Variants in MYCBP2 observed in about 807,000 individuals in gnomAD.
MYCBP2 encodes MYC binding protein 2, also known as E3 ubiquitin-protein ligase MYCBP2.
A neutral mutation model predicts 525.3 loss-of-function variants in MYCBP2; 120 were observed. That is an observed-to-expected ratio of 0.23 (90% CI 0.20 to 0.27). MYCBP2 has a LOEUF of 0.27. MYCBP2 is among the 10% of genes least tolerant of loss of function. The pLI is 1.00. For synonymous variants in MYCBP2, 1,894 were observed against 1,955.8 expected (o/e 0.97, Z 0.83); for missense variants, 4,149 against 5,657.1 (o/e 0.73, Z 8.55).
chr13:77,081,674 C>T lies in MYCBP2; in HGVS notation c.11194-23G>A, dbSNP rs750030432. 3.2e-6 allele frequency: 5 copies of T among 1,565,826 alleles called. No individual in the cohort carries two copies. Among genetic ancestry groups the T allele is most frequent in the Non-Finnish European group, 4.3e-6 (5 of 1,153,858 alleles). ...TTCCTATCAGAAACAAATATAAGTACTTATGATACTTAAAAGCAAATCTTT... is the reference window on the plus strand; with the variant it reads ...TTCCTATCAGAAACAAATATAAGTATTTATGATACTTAAAAGCAAATCTTT... On this transcript the variant is annotated intron_variant, in intron 64 of 82. Coordinates refer to ENST00000544440, the MANE Select transcript of MYCBP2 (RefSeq NM_015057.5). This position sits in a 1 kb window ranked among gnomAD's most constrained non-coding sequence, Gnocchi z 4.6.
chr13:77,224,324 A>G, intron 20 of MYCBP2, 127 bp downstream of exon 20: 1 of 653,784 alleles, frequency 1.5e-6, no homozygotes. Flanking sequence ...CACTTTGCAA[A>G]GCAGTGGTAT....
At chr13:77,287,172 C>T (rs962094960) in intron 3 of MYCBP2, among the ~76,000 whole-genome samples, 3 of 138,966 alleles carry the variant, frequency 2.2e-5, no homozygotes, top group Non-Finnish European at 4.6e-5. Flanking sequence ...CAGGCGTGAG[C>T]CATTACGCCC....
At chr13:77,298,375 T>C (rs867464533) in intron 1 of MYCBP2, among the ~76,000 whole-genome samples, 5 of 152,354 alleles carry the variant, frequency 3.3e-5, no homozygotes, top group African/African-American at 9.6e-5. Context: ...TGTTTCATTG[T>C]ACAGCCAATA....
intron 2 of MYCBP2, among the ~76,000 whole-genome samples, chr13:77,291,654 C>T (rs1169765352): frequency 1.3e-5 from 2 of 152,082 alleles, no homozygotes; most frequent in Admixed American, 6.5e-5. Context: ...GTAATCCCAG[C>T]TCCTCGGGAG....
At chr13:77,135,848 T>C (rs1281436502) in intron 52 of MYCBP2, among the ~76,000 whole-genome samples, 1 of 151,912 alleles carries the variant, frequency 6.6e-6, no homozygotes, top group Admixed American at 6.6e-5. Context: ...TTTTCTTTTT[T>C]TTTTTTGAGA....
chr13:77,172,284 A>AG (rs2059219157), intron 37 of MYCBP2, among the ~76,000 whole-genome samples: 1 of 152,182 alleles, frequency 6.6e-6, no homozygotes, highest in African/African-American at 2.4e-5. Context: ...GGTGAATTAA[A>AG]GGAACAGAAT....
chr13:77,260,634 AAATAAT>A (rs761735542), intron 12 of MYCBP2, 42 bp from the exon 13 acceptor site: 2 of 1,428,166 alleles, frequency 1.4e-6, no homozygotes, highest in South Asian at 1.3e-5. Flanking sequence ...CTCTATGTAC[AAATAAT>A]AATAATAATG....
At chr13:77,141,656 A>G (rs2054648183) in intron 49 of MYCBP2, among the ~76,000 whole-genome samples, 1 of 151,726 alleles carries the variant, frequency 6.6e-6, no homozygotes, top group Non-Finnish European at 1.5e-5. Context: ...CTGTAATTCT[A>G]GGTACTCAGG....
Position 77,278,834 on chromosome 13 carries a change from C to T in MYCBP2, c.672G>A (p.Arg224=). 6.2e-7 allele frequency: 1 copy of T among 1,602,780 alleles called. No individual in the cohort carries two copies. The highest frequency in any genetic ancestry group is 8.5e-7 in the Non-Finnish European group (1 of 1,174,720). ...GCACGTTGAGCAGGGCTTGGAGACT[C>T]CTGAGACACAGGGATGGATGAGAAA... ...TRFSHPSLCL[R]SLQALLNVLQ... Residue 224 remains arginine, a synonymous_variant, in exon 4 of 83, where the codon AGG becomes AGA. Coordinates refer to ENST00000544440, the MANE Select transcript of MYCBP2 (RefSeq NM_015057.5).
rs60927409 is a variant in MYCBP2 at position 77,183,541 on chromosome 13, C to CTTTTTTTTTTTTT, written c.4719+1549_4719+1561dup. Among the ~76,000 whole-genome samples the CTTTTTTTTTTTTT allele has an allele frequency of 9.1e-5, 6 of 66,076 alleles. 1 individual carries two copies. Among genetic ancestry groups the CTTTTTTTTTTTTT allele is most frequent in the East Asian group, 1.1e-3 (2 of 1,784 alleles). 43.3% of individuals were successfully genotyped at this position (66,076 alleles called of 152,430 possible). A position where few individuals can be genotyped will look rare whatever the true frequency, so the allele number is the denominator to read the frequency against. ...TTGTTTATAGTGATAGTCCCTATTT[C>CTTTTTTTTTTTTT]TTTTTTTTTTTTTTTTTTTTTTTTT... On this transcript the variant is annotated intron_variant, in intron 32 of 82. Coordinates refer to ENST00000544440, the MANE Select transcript of MYCBP2 (RefSeq NM_015057.5).
intron 20 of MYCBP2, 63 bp downstream of exon 20, chr13:77,224,388 A>G (rs1261304375): frequency 9.9e-7 from 1 of 1,013,964 alleles, no homozygotes. Context: ...GAAAGAAAAA[A>G]GAAGGAAAAG....
intron 26 of MYCBP2, among the ~76,000 whole-genome samples, chr13:77,195,643 G>C (rs938151549): frequency 6.6e-6 from 1 of 151,974 alleles, no homozygotes. Flanking sequence ...TGCCATTACT[G>C]TATCTATTCT....
At chr13:77,162,907 G>A (rs1273622457) in intron 43 of MYCBP2, among the ~76,000 whole-genome samples, 4 of 152,058 alleles carry the variant, frequency 2.6e-5, no homozygotes, top group Admixed American at 2.6e-4. Flanking sequence ...CACCCACCTT[G>A]GCCTCACAAA....
intron 26 of MYCBP2, among the ~76,000 whole-genome samples, chr13:77,198,333 A>G (rs903328290): frequency 5.9e-5 from 9 of 152,222 alleles, no homozygotes; most frequent in Non-Finnish European, 1.0e-4. Flanking sequence ...AACTATAACC[A>G]GAAATAAGCA....
intron 17 of MYCBP2, among the ~76,000 whole-genome samples, chr13:77,234,418 A>G (rs746088430): frequency 4.6e-5 from 7 of 151,956 alleles, no homozygotes; most frequent in Non-Finnish European, 7.4e-5. Context: ...CCCTCTAATA[A>G]AATTTCATAA....
At chr13:77,229,601 G>A (rs1441358553) in intron 18 of MYCBP2, among the ~76,000 whole-genome samples, 5 of 152,128 alleles carry the variant, frequency 3.3e-5, no homozygotes, top group African/African-American at 7.2e-5. Flanking sequence ...GGATTTATAT[G>A]TGCAAAGACT....
rs1208962666 is a variant in MYCBP2, at chr13:77,062,652, C to T, written c.12718G>A (p.Val4240Ile). ...ASLCVLDQDH[V>I]DRLSSGRWMG... ...CATCTCCCCGAGGAGAGACGATCTA[C>T]GTGGTCCTGATCAAGAACACATAGG... Residue 4240 changes from valine to isoleucine, a missense_variant, in exon 74 of 83, where the codon GTA (valine) becomes ATA (isoleucine). Val to Ile is a conservative substitution (Grantham distance 29). Transcript: ENST00000544440. 4 of 1,614,168 alleles carry T rather than the reference C, an allele frequency of 2.5e-6. 1 individual carries two copies. Among genetic ancestry groups the T allele is most frequent in the Admixed American group, 3.3e-5 (2 of 60,024 alleles).
intron 4 of MYCBP2, among the ~76,000 whole-genome samples, chr13:77,276,217 T>C (rs922828778): frequency 1.3e-5 from 2 of 152,178 alleles, no homozygotes; most frequent in Non-Finnish European, 1.5e-5. Flanking sequence ...TTTAAATAGA[T>C]AATTTAAAAA....
intron 18 of MYCBP2, among the ~76,000 whole-genome samples, chr13:77,226,539 C>T (rs2066294493): frequency 1.3e-5 from 2 of 152,150 alleles, no homozygotes; most frequent in African/African-American, 4.8e-5. Context: ...AAACCACTCT[C>T]AAGTGGTATA....
Sources: allele counts gnomAD v4.1 joint callset (sites outside exome capture counted in the v4.1 genomes callset), GRCh38; gene constraint gnomAD v4.1.1; non-coding constraint Gnocchi (gnomAD v3.1); transcripts MANE v1.5; gene names NCBI Gene and HGNC (gene_info 2026-07-23, HGNC 2026-07-21).